Variants in WIPI1 observed in about 807,000 individuals in gnomAD.
The protein encoded by WIPI1 is WD repeat domain, phosphoinositide interacting 1, also known as WD repeat domain phosphoinositide-interacting protein 1.
In WIPI1, 45 loss-of-function variants were observed where a neutral mutation model predicts 55.3. That is an observed-to-expected ratio of 0.81 (90% CI 0.64 to 1.04). The LOEUF is 1.04. Among genes scored for constraint, WIPI1 ranks in the 50% least tolerant of loss-of-function variants. The pLI is 0.00. For synonymous variants in WIPI1, 195 were observed against 217.6 expected, an observed-to-expected ratio of 0.90 and a Z score of 0.92; for missense variants, 445 against 559.0, an observed-to-expected ratio of 0.80 and a Z score of 2.06.
At chr17:68,426,252 G>GGGGGGGGTGGGGT in intron 11 of WIPI1, 77 bp from the exon 12 acceptor site, 1 of 828,188 alleles carries the variant, frequency 1.2e-6, no homozygotes, top group Non-Finnish European at 1.9e-6. Context: ...TGGGGAGCGG[G>GGGGGGGGTGGGGT]GGCTCAAATA....
rs148644359 is a variant in WIPI1 at position 68,439,923 on chromosome 17, TG to T, written c.431-3445del. Among the ~76,000 whole-genome samples the T allele has an allele frequency of 5.4e-3, 822 of 152,314 alleles. 28 individuals are homozygous for T. The East Asian group carries it at 0.095, about 18-fold the overall frequency. ...TGTGGCAGAGAGAGCTAAGCAGTCT[TG>T]GAGCAGAAGCCTTGGACGCATACCT... is the stretch of plus-strand genomic sequence containing the variant. On this transcript the variant is annotated intron_variant, in intron 4 of 12. Transcript: ENST00000262139.
intron 12 of WIPI1, chr17:68,424,603 C>T (rs2083030893): frequency 2.1e-5 from 10 of 470,438 alleles, no homozygotes; most frequent in Non-Finnish European, 3.9e-5. Flanking sequence ...CGGCCGGGTG[C>T]GGCGGTTCAC....
At chr17:68,450,942 CAAG>C (rs753682122) in intron 2 of WIPI1, 45 bp from the exon 3 acceptor site, 7 of 1,576,688 alleles carry the variant, frequency 4.4e-6, no homozygotes, top group Non-Finnish European at 4.3e-6. Flanking sequence ...TGATCACTTC[CAAG>C]AAGGATTCCA....
chr17:68,450,997 G>T (rs946279805), intron 2 of WIPI1, 100 bp from the exon 3 acceptor site: 151 of 1,459,624 alleles, frequency 1.0e-4, no homozygotes, highest in Non-Finnish European at 1.3e-4. Context: ...GGTTCCAAAG[G>T]TTCTCCGGGT....
At chr17:68,437,079 C>A (rs1480747796) in intron 4 of WIPI1, among the ~76,000 whole-genome samples, 2 of 150,360 alleles carry the variant, frequency 1.3e-5, no homozygotes, top group South Asian at 4.2e-4. Context: ...GACTCTGAAA[C>A]AGCATCTACT....
At chr17:68,443,660 A>G (rs1331732760) in intron 4 of WIPI1, among the ~76,000 whole-genome samples, 1 of 152,246 alleles carries the variant, frequency 6.6e-6, no homozygotes, top group South Asian at 2.1e-4. Flanking sequence ...TGGCACCCAG[A>G]TAGATCTTGA....
Position 68,450,845 on chromosome 17 carries a change from C to T in WIPI1, c.216G>A (p.Val72=). Reference sequence around the variant, plus strand: ...GTGGTTTTGTGTGACTGACTACCACCACCAGGCTGCTGGAGAAGAGGCGCT... The same window carrying T: ...GTGGTTTTGTGTGACTGACTACCACTACCAGGCTGCTGGAGAAGAGGCGCT... ...IVERLFSSSL[V]VVVSHTKPRQ... is the part of the protein sequence containing the mutation. The change falls in exon 3 of 13, where the codon GTG becomes GTA. Residue 72 remains valine, a synonymous_variant. Coordinates refer to ENST00000262139, the MANE Select transcript of WIPI1 (RefSeq NM_017983.7). 1 of 1,614,168 alleles carries T rather than the reference C, an allele frequency of 6.2e-7. No homozygotes were observed. The highest frequency in any genetic ancestry group is 1.1e-5 in the South Asian group (1 of 91,082).
intron 12 of WIPI1, chr17:68,425,874 T>C (rs1026221523): frequency 5.4e-6 from 3 of 551,528 alleles, no homozygotes; most frequent in Admixed American, 6.4e-5. Context: ...CATCAGGGTT[T>C]AGCTCGACAC....
At chr17:68,430,331 A>G (rs549918971) in intron 8 of WIPI1, among the ~76,000 whole-genome samples, 171 bp from the exon 9 acceptor site, 1 of 152,286 alleles carries the variant, frequency 6.6e-6, no homozygotes, top group South Asian at 2.1e-4. Flanking sequence ...TTCTGGCAAT[A>G]ACTAAAGAGC....
rs2083622330 is a variant in WIPI1 at position 68,433,596 on chromosome 17, G to A, written c.693-21C>T. ...CATACCTACAAGCACAGCAACACAT[G>A]GGTCAGTGAGCAAGAGAAATGGGAG... On this transcript the variant is annotated intron_variant, in intron 7 of 12. Transcript: ENST00000262139. 12 of 1,596,938 alleles carry A rather than the reference G, an allele frequency of 7.5e-6. No individual in the cohort carries two copies. In the East Asian group the frequency reaches 2.7e-4, roughly 36 times the overall value.
Position 68,430,070 on chromosome 17 carries a change from C to T in WIPI1, c.891G>A (p.Met297Ile). The change falls in exon 9 of 13, where the codon ATG becomes ATA. Residue 297 changes from methionine (M) to isoleucine (I), a missense_variant. Transcript: ENST00000262139. ...TGGCAAAAGCCCTGTCCTGATGCAT[C>T]ATGTCTGACACCTGGGTAGGGAGGT... ...TNYLPTQVSD[M>I]MHQDRAFATA... is the part of the protein sequence containing the mutation. The T allele has an allele frequency of 1.2e-6, 2 of 1,614,190 alleles. No homozygotes were observed. Among genetic ancestry groups the T allele is most frequent in the Non-Finnish European group, 1.7e-6 (2 of 1,180,042 alleles).
At chr17:68,422,043 C>CTG (rs987547802) in intron 12 of WIPI1, 45 of 584,802 alleles carry the variant, frequency 7.7e-5, no homozygotes, top group African/African-American at 4.1e-4. Context: ...AAAAATGTCT[C>CTG]TGTGTGTGTG....
intron 1 of WIPI1, among the ~76,000 whole-genome samples, chr17:68,455,221 A>G (rs1363750237): frequency 6.6e-6 from 1 of 151,876 alleles, no homozygotes; most frequent in Non-Finnish European, 1.5e-5. Flanking sequence ...AAATTAGCTG[A>G]GTGTGGTGGT....
At chr17:68,457,199 G>A (rs1297589273) in intron 1 of WIPI1, 143 bp downstream of exon 1, 2 of 951,046 alleles carry the variant, frequency 2.1e-6, no homozygotes, top group Non-Finnish European at 3.1e-6. Context: ...GGGATAACAA[G>A]ATCCCAATGC....
rs141172654 is a variant in WIPI1, at chr17:68,439,804, C to T, written c.431-3325G>A. The stretch of plus-strand genomic sequence containing the variant: ...CTGTTTCCTGTCTGTGAAATGAAGG[C>T]TACCGTGATATAGAGGTCTTTCCAG... On this transcript the variant is annotated intron_variant, in intron 4 of 12. Coordinates refer to ENST00000262139, the MANE Select transcript of WIPI1 (RefSeq NM_017983.7). 2.8e-3 allele frequency among the ~76,000 whole-genome samples: 425 copies of T among 152,276 alleles called. 5 individuals carry two copies. Among genetic ancestry groups the T allele is most frequent in the Middle Eastern group, 3.4e-3 (1 of 294 alleles).
intron 6 of WIPI1, 119 bp from the exon 7 acceptor site, chr17:68,434,745 C>G: frequency 1.0e-6 from 1 of 959,684 alleles, no homozygotes; most frequent in Non-Finnish European, 1.6e-6. Context: ...GGAAGAACAC[C>G]ACGTTGAGCA....
chr17:68,424,901 A>G (rs1280952795), intron 12 of WIPI1, among the ~76,000 whole-genome samples: 2 of 152,176 alleles, frequency 1.3e-5, no homozygotes, highest in African/African-American at 4.8e-5. Context: ...ACAAATCAGT[A>G]CTTCCATCTC....
intron 4 of WIPI1, 40 bp from the exon 5 acceptor site, chr17:68,436,519 A>C: frequency 6.3e-7 from 1 of 1,589,822 alleles, no homozygotes; most frequent in Non-Finnish European, 8.6e-7. Flanking sequence ...CCTGGGGCCA[A>C]GGGAGAGATT....
chr17:68,431,561 A>G (rs1023920790), intron 8 of WIPI1, among the ~76,000 whole-genome samples: 8 of 152,200 alleles, frequency 5.3e-5, no homozygotes, highest in Non-Finnish European at 1.5e-5. Context: ...GTCATGTTCA[A>G]AGGGACATTT....
Sources: gnomAD v4.1 joint callset for allele counts (sites outside exome capture counted in the v4.1 genomes callset) on GRCh38, gnomAD v4.1.1 for gene constraint, MANE v1.5 for transcripts, NCBI Gene and HGNC (gene_info 2026-07-23, HGNC 2026-07-21) for gene names.